EPB41L4A: variants seen among roughly 807,000 people sequenced by gnomAD.
EPB41L4A encodes band 4.1-like protein 4A.
A neutral mutation model predicts 108.6 loss-of-function variants in EPB41L4A; 100 were observed. The ratio of observed to expected loss-of-function variants is 0.92; its 90% confidence interval spans 0.78 to 1.09. The LOEUF (loss-of-function observed/expected upper bound fraction) is 1.09. EPB41L4A is among the 50% of genes least tolerant of loss of function. EPB41L4A has a pLI of 0.00. For missense variants in EPB41L4A, 1,030 were observed against 842.7 expected, an observed-to-expected ratio of 1.22 and a Z score of -2.75; for synonymous variants, 319 against 289.0, an observed-to-expected ratio of 1.10 and a Z score of -1.05.
intron 1 of EPB41L4A, among the ~76,000 whole-genome samples, chr5:112,400,322 T>A (rs1217051628): frequency 6.6e-6 from 1 of 151,084 alleles, no homozygotes; most frequent in Non-Finnish European, 1.5e-5. Flanking sequence ...CCAAAACACG[T>A]GGGGATTACA....
chr5:112,171,161 C>A (rs1255587964), intron 18 of EPB41L4A, among the ~76,000 whole-genome samples, 169 bp from the exon 19 acceptor site: 1 of 152,138 alleles, frequency 6.6e-6, no homozygotes, highest in African/African-American at 2.4e-5. Flanking sequence ...AAGACACCAG[C>A]AGCTAAATTG....
chr5:112,370,590 C>T (rs188467141), intron 1 of EPB41L4A, among the ~76,000 whole-genome samples: 1,768 of 152,208 alleles, frequency 0.012, 26 homozygotes, highest in South Asian at 0.038. Flanking sequence ...TAGAAAAGTT[C>T]GATTTTCCAG....
At chr5:112,402,267 G>A (rs903942796) in intron 1 of EPB41L4A, among the ~76,000 whole-genome samples, 4 of 151,892 alleles carry the variant, frequency 2.6e-5, no homozygotes, top group Non-Finnish European at 4.4e-5. Flanking sequence ...CTTCCACCAC[G>A]ATTGTAAGTT....
At chr5:112,317,891 C>T (rs1336728637) in intron 1 of EPB41L4A, among the ~76,000 whole-genome samples, 1 of 152,070 alleles carries the variant, frequency 6.6e-6, no homozygotes, top group Non-Finnish European at 1.5e-5. Flanking sequence ...CCCATATGAA[C>T]AAAAGTTCTT....
At chr5:112,351,387 G>T (rs1758031889) in intron 1 of EPB41L4A, among the ~76,000 whole-genome samples, 1 of 152,060 alleles carries the variant, frequency 6.6e-6, no homozygotes, top group Non-Finnish European at 1.5e-5. Flanking sequence ...ATAAATTCCT[G>T]GACACGTACA....
At chr5:112,349,593 G>A (rs1757909942) in intron 1 of EPB41L4A, among the ~76,000 whole-genome samples, 2 of 152,170 alleles carry the variant, frequency 1.3e-5, no homozygotes, top group East Asian at 1.9e-4. Flanking sequence ...AAATTATGCT[G>A]ACACTGTTAG....
chr5:112,412,077 G>C (rs781749307), intron 1 of EPB41L4A, among the ~76,000 whole-genome samples: 1 of 152,122 alleles, frequency 6.6e-6, no homozygotes, highest in Non-Finnish European at 1.5e-5. Context: ...AGAAGGTGTC[G>C]TTCCTAAACA....
At chr5:112,261,972 T>A (rs1254610019) in intron 7 of EPB41L4A, among the ~76,000 whole-genome samples, 35 of 144,652 alleles carry the variant, frequency 2.4e-4, no homozygotes, top group Non-Finnish European at 1.5e-5. Context: ...CACTGCAACC[T>A]CTGCCTCCCA....
At chr5:112,309,666 T>G (rs572160157) in intron 1 of EPB41L4A, among the ~76,000 whole-genome samples, 1 of 152,260 alleles carries the variant, frequency 6.6e-6, no homozygotes, top group African/African-American at 2.4e-5. Context: ...ATACCACCCC[T>G]ATAATTGTGT....
intron 1 of EPB41L4A, among the ~76,000 whole-genome samples, chr5:112,372,303 T>C (rs1052040277): frequency 1.3e-5 from 2 of 152,120 alleles, no homozygotes; most frequent in Non-Finnish European, 2.9e-5. Flanking sequence ...TCAGATTTCA[T>C]GAAAACTCAC....
At chr5:112,252,156 C>A (rs912303408) in intron 9 of EPB41L4A, among the ~76,000 whole-genome samples, 2 of 152,118 alleles carry the variant, frequency 1.3e-5, no homozygotes, top group African/African-American at 2.4e-5. Flanking sequence ...ATGGACAGAA[C>A]TGGAAGTATG....
chr5:112,378,684 T>C (rs1459045770), intron 1 of EPB41L4A, among the ~76,000 whole-genome samples: 6 of 152,212 alleles, frequency 3.9e-5, no homozygotes, highest in Middle Eastern at 3.2e-3. Context: ...GTTTCCCTGA[T>C]GCTTTCCTGA....
chr5:112,400,525 A>G (rs1761675361), intron 1 of EPB41L4A, among the ~76,000 whole-genome samples: 1 of 152,140 alleles, frequency 6.6e-6, no homozygotes, highest in African/African-American at 2.4e-5. Context: ...CAGGTCACAC[A>G]GTGGGAACAG....
intron 15 of EPB41L4A, among the ~76,000 whole-genome samples, chr5:112,200,464 C>T (rs558885711): frequency 1.3e-5 from 2 of 152,280 alleles, no homozygotes; most frequent in South Asian, 4.1e-4. Context: ...AGCTTACCTT[C>T]ATATTATGTA....
At chr5:112,194,831 T>C (rs991416485) in intron 16 of EPB41L4A, among the ~76,000 whole-genome samples, 186 bp from the exon 17 acceptor site, 1 of 152,196 alleles carries the variant, frequency 6.6e-6, no homozygotes, top group Admixed American at 6.5e-5. Context: ...TGACTGAGTC[T>C]ATAGCTCAGG....
At chr5:112,258,650 G>C (rs760915609) in intron 9 of EPB41L4A, among the ~76,000 whole-genome samples, 4 of 152,086 alleles carry the variant, frequency 2.6e-5, no homozygotes, top group African/African-American at 7.2e-5. Context: ...ACACATCAAG[G>C]CATGAAAGCA....
intron 1 of EPB41L4A, among the ~76,000 whole-genome samples, chr5:112,308,167 T>C (rs1754814240): frequency 1.3e-5 from 2 of 152,200 alleles, no homozygotes; most frequent in African/African-American, 4.8e-5. Context: ...ATTCTTATCA[T>C]CTGACATACT....
chr5:112,160,393 CCA>C (rs1450310278), downstream of EPB41L4A: 4 of 152,240 alleles, frequency 2.6e-5, no homozygotes, highest in Admixed American at 2.6e-4. Flanking sequence ...GCAGAATGTA[CCA>C]CAGAAACCTT....
rs1414609239 is a variant in EPB41L4A, at chr5:112,203,391, G to C, written c.1376+984C>G. 2.6e-5 allele frequency among the ~76,000 whole-genome samples: 4 copies of C among 152,042 alleles called. No homozygotes were observed. In the East Asian group the frequency reaches 7.8e-4, roughly 29 times the overall value. On this transcript the variant is annotated intron_variant, in intron 15 of 22. Coordinates refer to ENST00000261486, the MANE Select transcript of EPB41L4A (RefSeq NM_022140.5). ...ACAAAAACCACAAAAACCAAAAAAA[G>C]GAAAAAGTCATTTATACAATGCCAA...
Sources: gnomAD v4.1 joint callset for allele counts (sites outside exome capture counted in the v4.1 genomes callset) on GRCh38, gnomAD v4.1.1 for gene constraint, MANE v1.5 for transcripts, NCBI Gene and HGNC (gene_info 2026-07-23, HGNC 2026-07-21) for gene names.